SLC7A11: variants seen among roughly 807,000 people sequenced by gnomAD.
SLC7A11 encodes the protein cystine/glutamate transporter.
In SLC7A11, 35 loss-of-function variants were observed where a neutral mutation model predicts 54.5. The observed-to-expected ratio is 0.64, with a 90% confidence interval of 0.49 to 0.85. The LOEUF is 0.85. Ranked by LOEUF, SLC7A11 falls within the 40% of genes least tolerant of loss-of-function variation. SLC7A11 has a pLI of 0.00. For synonymous variants in SLC7A11, 230 were observed against 225.2 expected (o/e 1.02, Z -0.19); for missense variants, 583 against 618.1 (o/e 0.94, Z 0.60).
rs886435386 is a variant in SLC7A11, at chr4:138,185,318, C to T, written c.792-74G>A. 38 of 1,498,474 alleles carry T rather than the reference C, an allele frequency of 2.5e-5. 1 individual carries two copies. The South Asian group carries it at 2.7e-4, about 11-fold the overall frequency. The allele number at this position is 1,498,474 out of a possible 1,614,324, so 92.8% of individuals were successfully genotyped here. A position where few individuals can be genotyped will look rare whatever the true frequency, so the allele number is the denominator to read the frequency against. On this transcript the variant is annotated intron_variant, in intron 6 of 11. Transcript: ENST00000280612. ...CTCTGATACCGAAGAAAATAACAGG[C>T]TAATTCAAATGAAGAATATAATGGT...
At chr4:138,175,750 C>CT (rs1736555503) in intron 11 of SLC7A11, 1 of 151,984 alleles carries the variant, frequency 6.6e-6, no homozygotes, top group Non-Finnish European at 1.5e-5. Flanking sequence ...TCCTTGGATT[C>CT]TGAACATTCC....
intron 6 of SLC7A11, among the ~76,000 whole-genome samples, chr4:138,211,998 A>G (rs1737562557): frequency 1.3e-5 from 2 of 151,948 alleles, no homozygotes; most frequent in Admixed American, 6.6e-5. Flanking sequence ...AAAACATAGT[A>G]TATTTTAAAT....
At chr4:138,179,499 T>A in intron 10 of SLC7A11, 105 bp from the exon 11 acceptor site, 1 of 927,542 alleles carries the variant, frequency 1.1e-6, no homozygotes, top group Non-Finnish European at 1.6e-6. Flanking sequence ...TGATATGCTG[T>A]AGTCATGCGA....
intron 10 of SLC7A11, 32 bp from the exon 11 acceptor site, chr4:138,179,426 A>G (rs368680843): frequency 1.6e-4 from 252 of 1,595,976 alleles, no homozygotes; most frequent in Middle Eastern, 1.0e-3. Context: ...AGTCACTTCA[A>G]ACATGTTCAA....
At chr4:138,199,973 C>T (rs1560726611) in intron 6 of SLC7A11, among the ~76,000 whole-genome samples, 1 of 152,082 alleles carries the variant, frequency 6.6e-6, no homozygotes, top group Non-Finnish European at 1.5e-5. Context: ...ACATTTAAAA[C>T]ACATTTAACC....
intron 6 of SLC7A11, among the ~76,000 whole-genome samples, chr4:138,203,982 A>G (rs1429464401): frequency 6.6e-6 from 1 of 151,990 alleles, no homozygotes; most frequent in African/African-American, 2.4e-5. Context: ...CAGTCTACAT[A>G]CTATTCCCTA....
At chr4:138,230,063 C>A (rs1031188285) in intron 3 of SLC7A11, among the ~76,000 whole-genome samples, 1 of 152,146 alleles carries the variant, frequency 6.6e-6, no homozygotes, top group Non-Finnish European at 1.5e-5. Flanking sequence ...ATAGGCAAGG[C>A]ACTCTGTTAA....
At chr4:138,186,931 AAAG>A (rs1252733242) in intron 6 of SLC7A11, among the ~76,000 whole-genome samples, 3 of 152,118 alleles carry the variant, frequency 2.0e-5, no homozygotes, top group East Asian at 1.9e-4. Flanking sequence ...GAAGAGAGGA[AAAG>A]AAGAAGAGAA....
At chr4:138,172,201 G>A (rs1242757363) in intron 11 of SLC7A11, among the ~76,000 whole-genome samples, 184 bp from the exon 12 acceptor site, 1 of 152,086 alleles carries the variant, frequency 6.6e-6, no homozygotes, top group African/African-American at 2.4e-5. Flanking sequence ...TGTCACTTCT[G>A]TAACTTCCCA....
At position 138,171,758 on chromosome 4, in the gene SLC7A11, C is replaced by T. The variant is rs1736430423; in HGVS notation, c.*198G>A. The T allele has an allele frequency of 3.4e-6, 2 of 594,256 alleles. No homozygotes were observed. The allele number at this position is 594,256 out of a possible 1,614,324, so 36.8% of individuals were successfully genotyped here. A position where few individuals can be genotyped will look rare whatever the true frequency, so the allele number is the denominator to read the frequency against. ...GCGACTCATAGAATAACTGCATATT[C>T]ACTTTCTATAACTACATAGAGTTAT... On this transcript the variant is annotated 3_prime_UTR_variant, in exon 12 of 12. Transcript: ENST00000280612.
chr4:138,228,757 T>TAA (rs1738003192), intron 3 of SLC7A11, among the ~76,000 whole-genome samples: 1 of 22,392 alleles, frequency 4.5e-5, no homozygotes, highest in Non-Finnish European at 7.9e-5. Flanking sequence ...AGACTCCGTC[T>TAA]CAAAAAAAAA....
At chr4:138,184,335 C>A (rs967589363) in intron 7 of SLC7A11, among the ~76,000 whole-genome samples, 1 of 152,102 alleles carries the variant, frequency 6.6e-6, no homozygotes, top group Non-Finnish European at 1.5e-5. Context: ...TTAAAAGGAA[C>A]TGACATCAAG....
intron 6 of SLC7A11, 84 bp downstream of exon 6, chr4:138,214,501 T>C: frequency 1.4e-6 from 1 of 714,528 alleles, no homozygotes; most frequent in Non-Finnish European, 2.3e-6. Context: ...CCACACTGAA[T>C]TCCTTCTTCA....
chr4:138,238,173 C>A lies in SLC7A11; in HGVS notation c.278-1722G>T, dbSNP rs146193164. On this transcript the variant is annotated intron_variant, in intron 1 of 11. Coordinates refer to ENST00000280612, the MANE Select transcript of SLC7A11 (RefSeq NM_014331.4). ...ATTCACATAAAATTGGACAAATATG[C>A]AACTCCCCAAAACCTCAGTTTCACT... Among the ~76,000 whole-genome samples, 47 of 152,204 alleles carry A rather than the reference C, an allele frequency of 3.1e-4. No homozygotes were observed. In the East Asian group the frequency reaches 8.9e-3, roughly 29 times the overall value.
chr4:138,186,554 C>T (rs1292010482), intron 6 of SLC7A11, among the ~76,000 whole-genome samples: 1 of 152,094 alleles, frequency 6.6e-6, no homozygotes, highest in Non-Finnish European at 1.5e-5. Flanking sequence ...AACACATTGA[C>T]CTCTAAATCC....
intron 3 of SLC7A11, among the ~76,000 whole-genome samples, chr4:138,230,413 T>TAAAA (rs5862372): frequency 7.1e-6 from 1 of 141,430 alleles, no homozygotes; most frequent in Admixed American, 7.1e-5. Flanking sequence ...AAATGAAAGC[T>TAAAA]AAAAAAAAAA....
At chr4:138,211,276 C>T (rs1737541669) in intron 6 of SLC7A11, among the ~76,000 whole-genome samples, 1 of 151,768 alleles carries the variant, frequency 6.6e-6, no homozygotes, top group South Asian at 2.1e-4. Context: ...AGCTGAAAAA[C>T]TACCTACTGG....
rs571583312 is a variant in SLC7A11, at chr4:138,173,415, A to G, written c.1445-1398T>C. 2.0e-5 allele frequency among the ~76,000 whole-genome samples: 3 copies of G among 152,050 alleles called. No homozygotes were observed. The South Asian group carries it at 6.2e-4, about 32-fold the overall frequency. ...TTTGGGAGGCTGAGGTGGGTGGATC[A>G]CCTGAGGTTGGGAGTTCGAGACCAG... On this transcript the variant is annotated intron_variant, in intron 11 of 11. Coordinates refer to ENST00000280612, the MANE Select transcript of SLC7A11 (RefSeq NM_014331.4).
At chr4:138,225,618 T>C (rs544855424) in intron 3 of SLC7A11, among the ~76,000 whole-genome samples, 1 of 152,126 alleles carries the variant, frequency 6.6e-6, no homozygotes, top group Admixed American at 6.6e-5. Context: ...TGCTCCATCA[T>C]CCAGTGATTC....
Sources: gnomAD v4.1 joint callset for allele counts (sites outside exome capture counted in the v4.1 genomes callset) on GRCh38, gnomAD v4.1.1 for gene constraint, MANE v1.5 for transcripts, NCBI Gene and HGNC (gene_info 2026-07-23, HGNC 2026-07-21) for gene names.